The following SLC6A18 variants were observed in gnomAD, a reference collection of about 807,000 sequenced individuals.
SLC6A18 encodes the protein inactive sodium-dependent neutral amino acid transporter B(0)AT3.
A neutral mutation model predicts 62.9 loss-of-function variants in SLC6A18; 58 were observed. That is an observed-to-expected ratio of 0.92 (90% CI 0.75 to 1.15). SLC6A18 has a LOEUF of 1.15. SLC6A18 is among the 50% of genes most tolerant of loss of function. SLC6A18 has a pLI of 0.00. For missense variants in SLC6A18, 793 were observed against 836.6 expected (o/e 0.95, Z 0.64); for synonymous variants, 382 against 365.8 (o/e 1.04, Z -0.51).
intron 3 of SLC6A18, among the ~76,000 whole-genome samples, chr5:1,233,655 C>T (rs963919540): frequency 2.7e-5 from 4 of 150,120 alleles, no homozygotes; most frequent in African/African-American, 9.9e-5. Context: ...GCAAGCATGG[C>T]TCACTGCAAC....
chr5:1,226,422 C>T (rs1230632045), intron 1 of SLC6A18, among the ~76,000 whole-genome samples: 1 of 152,182 alleles, frequency 6.6e-6, no homozygotes, highest in Non-Finnish European at 1.5e-5. Context: ...GCAGGGGCTT[C>T]CCAGGCCGCA....
chr5:1,239,217 A>G (rs533370795), intron 5 of SLC6A18, among the ~76,000 whole-genome samples: 1 of 152,376 alleles, frequency 6.6e-6, no homozygotes, highest in Non-Finnish European at 1.5e-5. Context: ...TGCGCCTGAC[A>G]GCCACCGGCT....
Position 1,244,769 on chromosome 5 carries a change from T to C in SLC6A18, c.1656+2T>C. On this transcript the variant is annotated splice_donor_variant, in intron 11 of 11. Transcript: ENST00000324642. LOFTEE classifies it high-confidence loss of function. Reference sequence around the variant, plus strand: ...TACAAGGCCTGGAACCCCAAATACGTAGGTCCTTCCGGTGGGAACCTGGGA... The same window carrying C: ...TACAAGGCCTGGAACCCCAAATACGCAGGTCCTTCCGGTGGGAACCTGGGA... The C allele has an allele frequency of 6.3e-7, 1 of 1,597,606 alleles. No homozygotes were observed. The highest frequency in any genetic ancestry group is 1.1e-5 in the South Asian group (1 of 89,944).
At chr5:1,240,115 TG>T (rs1371104323) in intron 6 of SLC6A18, among the ~76,000 whole-genome samples, 4 of 152,262 alleles carry the variant, frequency 2.6e-5, no homozygotes, top group Admixed American at 1.3e-4. Flanking sequence ...AAGTGCCAGC[TG>T]GGACGCCAGG....
rs1346497666 is a variant in SLC6A18, at chr5:1,246,035, C to T, written c.1844C>T (p.Thr615Met). Reference protein sequence around the residue: ...PDTDMRPDTDTRPDTDMRPDT... With the variant: ...PDTDMRPDTDMRPDTDMRPDT... Reference sequence around the variant, plus strand: ...ACGGACATGCGCCCGGACACGGACACGCGCCCAGACACGGACATGCGCCCG... The same window carrying T: ...ACGGACATGCGCCCGGACACGGACATGCGCCCAGACACGGACATGCGCCCG... Residue 615 changes from threonine (T) to methionine (M), a missense_variant, in exon 12 of 12, where the codon ACG becomes ATG. Coordinates refer to ENST00000324642, the MANE Select transcript of SLC6A18 (RefSeq NM_182632.3). 1.1e-5 allele frequency: 17 copies of T among 1,592,662 alleles called. No homozygotes were observed. The highest frequency in any genetic ancestry group is 2.7e-5 in the African/African-American group (2 of 74,378).
intron 5 of SLC6A18, among the ~76,000 whole-genome samples, chr5:1,238,601 G>GA (rs111643759): frequency 5.7e-5 from 2 of 35,206 alleles, no homozygotes; most frequent in African/African-American, 5.5e-4. Context: ...AGTGAGCCAG[G>GA]GGCCTCAGGA....
At chr5:1,234,634 G>T (rs1177527411) in intron 3 of SLC6A18, among the ~76,000 whole-genome samples, 2 of 152,192 alleles carry the variant, frequency 1.3e-5, no homozygotes, top group African/African-American at 4.8e-5. Flanking sequence ...TCCCACATCT[G>T]CCCCAAGCTC....
At position 1,232,354 on chromosome 5, in the gene SLC6A18, G is replaced by A. The variant is rs201483137; in HGVS notation, c.296G>A (p.Gly99Glu). ...ACGGCCATCTCCCCGTACCTCAGTG[G>A]AGTAGGTAGGCCACCGTCCTCGCTT... ...VWTAISPYLS[G>E]VGLGCVTLSF... Residue 99 changes from glycine to glutamate, a missense_variant, in exon 2 of 12, where the codon GGA becomes GAA. Coordinates refer to ENST00000324642, the MANE Select transcript of SLC6A18 (RefSeq NM_182632.3). 2 of 1,610,034 alleles carry A rather than the reference G, an allele frequency of 1.2e-6. No homozygotes were observed. The highest frequency in any genetic ancestry group is 1.7e-6 in the Non-Finnish European group (2 of 1,179,180).
At chr5:1,244,417 G>C in intron 10 of SLC6A18, 44 bp downstream of exon 10, 1 of 1,608,462 alleles carries the variant, frequency 6.2e-7, no homozygotes. Context: ...ACCCACCAGG[G>C]TGGGACAGGG....
chr5:1,242,631 C>T (rs1747092939), intron 7 of SLC6A18, 76 bp from the exon 8 acceptor site: 1 of 1,526,302 alleles, frequency 6.6e-7, no homozygotes, highest in East Asian at 2.3e-5. Flanking sequence ...CTGTGCTTCG[C>T]AGCACCAACC....
intron 2 of SLC6A18, among the ~76,000 whole-genome samples, 179 bp downstream of exon 2, chr5:1,232,538 T>A (rs1746759990): frequency 6.6e-6 from 1 of 151,932 alleles, no homozygotes; most frequent in Non-Finnish European, 1.5e-5. Context: ...TCGGGGAGAA[T>A]TAGAGATGGA....
chr5:1,237,136 C>T (rs149373009), intron 4 of SLC6A18, among the ~76,000 whole-genome samples: 24 of 148,036 alleles, frequency 1.6e-4, no homozygotes, highest in South Asian at 4.3e-4. Flanking sequence ...CAACTACTTG[C>T]GAGGCTGAGG....
rs868492963 is a variant in SLC6A18 at position 1,239,301 on chromosome 5, C to T, written c.733-149C>T. The T allele has an allele frequency of 1.1e-4, 68 of 603,886 alleles. 2 individuals carry two copies. In the Middle Eastern group the frequency reaches 9.9e-3, roughly 88 times the overall value. 37.4% of individuals were successfully genotyped at this position (603,886 alleles called of 1,614,324 possible). ...CTGCCACTCCACACCTGCACACCTG[C>T]GTGGTCCTACCCTGTTCCTGGTGTC... On this transcript the variant is annotated intron_variant, in intron 5 of 11. Coordinates refer to ENST00000324642, the MANE Select transcript of SLC6A18 (RefSeq NM_182632.3).
At chr5:1,236,586 A>T (rs893490716) in intron 4 of SLC6A18, among the ~76,000 whole-genome samples, 2 of 152,168 alleles carry the variant, frequency 1.3e-5, no homozygotes, top group African/African-American at 2.4e-5. Flanking sequence ...CTTACCCTGT[A>T]TTCTCTAGTG....
chr5:1,233,942 C>G (rs933302159), intron 3 of SLC6A18, among the ~76,000 whole-genome samples: 2 of 152,066 alleles, frequency 1.3e-5, no homozygotes, highest in Admixed American at 6.5e-5. Flanking sequence ...GGGGTTTCAC[C>G]ATGTTAGCCA....
At position 1,244,993 on chromosome 5, in the gene SLC6A18, G is replaced by A. The variant is rs116221992; in HGVS notation, c.1656+226G>A. Among the ~76,000 whole-genome samples, 848 of 152,324 alleles carry A rather than the reference G, an allele frequency of 5.6e-3. 4 individuals are homozygous for A. Among genetic ancestry groups the A allele is most frequent in the African/African-American group, 0.019 (810 of 41,578 alleles). ...CTGGGATCAGAAATGGCATGGGGGT[G>A]ACCATGGGCAAGCGCCTGGTCAGTG... On this transcript the variant is annotated intron_variant, in intron 11 of 11. Coordinates refer to ENST00000324642, the MANE Select transcript of SLC6A18 (RefSeq NM_182632.3).
chr5:1,237,963 C>T lies in SLC6A18; in HGVS notation c.635C>T (p.Thr212Ile). The change falls in exon 5 of 12, where the codon ACA becomes ATA. Residue 212 changes from threonine to isoleucine, a missense_variant. Coordinates refer to ENST00000324642, the MANE Select transcript of SLC6A18 (RefSeq NM_182632.3). ...TTTTGTTTCAAGGTGATTTACTTCA[C>T]AGCTTTGTTCCCTTACCTGGTCCTG... The part of the protein sequence containing the change: ...IETTGKVIYF[T>I]ALFPYLVLTI... 1 of 1,614,140 alleles carries T rather than the reference C, an allele frequency of 6.2e-7. No homozygotes were observed. Among genetic ancestry groups the T allele is most frequent in the Non-Finnish European group, 8.5e-7 (1 of 1,179,966 alleles).
chr5:1,225,670 C>A (rs1746540440), intron 1 of SLC6A18, 33 bp downstream of exon 1: 1 of 1,522,502 alleles, frequency 6.6e-7, no homozygotes. Context: ...GGGCAGACCC[C>A]TAAGCAGGGG....
intron 11 of SLC6A18, among the ~76,000 whole-genome samples, chr5:1,245,192 C>T (rs1382182967): frequency 6.6e-6 from 1 of 152,204 alleles, no homozygotes; most frequent in African/African-American, 2.4e-5. Flanking sequence ...GCACAGACCC[C>T]TACTGCCACC....
Sources: gnomAD v4.1 joint callset for allele counts (sites outside exome capture counted in the v4.1 genomes callset) on GRCh38, gnomAD v4.1.1 for gene constraint, MANE v1.5 for transcripts, NCBI Gene and HGNC (gene_info 2026-07-23, HGNC 2026-07-21) for gene names.